The following CARF variants were observed in gnomAD, a reference collection of about 807,000 sequenced individuals.
CARF encodes the protein calcium-responsive transcription factor.
A neutral mutation model predicts 82.0 loss-of-function variants in CARF; 57 were observed. The ratio of observed to expected loss-of-function variants is 0.70; its 90% CI spans 0.56 to 0.87. The LOEUF (loss-of-function observed/expected upper bound fraction) is 0.87, where lower values mean the gene tolerates loss of function less well. Ranked by LOEUF, CARF falls within the 40% of genes least tolerant of loss-of-function variation. The probability of loss-of-function intolerance (pLI) is 0.00; values close to 1 mark genes in which losing one functional copy is unlikely to be tolerated. For missense variants in CARF, 771 were observed against 855.8 expected (o/e 0.90, Z 1.24); for synonymous variants, 268 against 290.1 (o/e 0.92, Z 0.77).
At chr2:202,930,779 G>T (rs949296693) in intron 3 of CARF, among the ~76,000 whole-genome samples, 1 of 151,974 alleles carries the variant, frequency 6.6e-6, no homozygotes, top group African/African-American at 2.4e-5. Context: ...AAACTGCACA[G>T]GTCCTGTACT....
rs199511382 is a variant in CARF, at chr2:202,981,648, T to C, written c.1652T>C (p.Leu551Pro). The C allele has an allele frequency of 1.5e-5, 24 of 1,611,872 alleles. No individual in the cohort carries two copies. Among genetic ancestry groups the C allele is most frequent in the Non-Finnish European group, 1.9e-5 (22 of 1,178,808 alleles). ...SPEPTHLLSS[L>P]SSFQPKIFTQ... Reference sequence around the variant, plus strand: ...GAGCCAACCCACTTGCTCTCCTCACTCTCCTCATTTCAGCCCAAAATATTT... The same window carrying C: ...GAGCCAACCCACTTGCTCTCCTCACCCTCCTCATTTCAGCCCAAAATATTT... Residue 551 changes from leucine to proline, a missense_variant, in exon 15 of 17, where the codon CTC (leucine) becomes CCC (proline). Transcript: ENST00000438828.
intron 9 of CARF, chr2:202,961,673 GAA>G: frequency 2.1e-6 from 1 of 480,250 alleles, no homozygotes; most frequent in East Asian, 3.3e-5. Context: ...ATAAAATATC[GAA>G]GTTTCCATTA....
chr2:202,943,729 C>T (rs1307969349), intron 5 of CARF, among the ~76,000 whole-genome samples: 2 of 151,518 alleles, frequency 1.3e-5, no homozygotes, highest in South Asian at 2.1e-4. Context: ...CTCACTGCAA[C>T]CTCCGCCTCC....
At position 202,912,976 on chromosome 2, in the gene CARF, T is replaced by C. The variant is rs1468582458; in HGVS notation, c.-456T>C. 2 of 152,160 alleles carry C rather than the reference T, an allele frequency of 1.3e-5. No individual in the cohort carries two copies. Among genetic ancestry groups the C allele is most frequent in the Non-Finnish European group, 2.9e-5 (2 of 68,032 alleles). The allele number at this position is 152,160 out of a possible 1,614,324, so 9.4% of individuals were successfully genotyped here. The stretch of plus-strand genomic sequence containing the variant: ...CCCAAGAATTACTCTAATATAGTTG[T>C]TTTTCTGAGGGAGGATGGATGGAGA... On this transcript the variant is annotated 5_prime_UTR_variant, in exon 1 of 17. Coordinates refer to ENST00000438828, the MANE Select transcript of CARF (RefSeq NM_024744.17).
intron 8 of CARF, among the ~76,000 whole-genome samples, chr2:202,956,129 G>T (rs2059027577): frequency 6.8e-6 from 1 of 146,436 alleles, no homozygotes. Flanking sequence ...CTCACTTTCT[G>T]ACTTTGTCTT....
intron 5 of CARF, among the ~76,000 whole-genome samples, chr2:202,949,673 C>G (rs1211816111): frequency 6.6e-6 from 1 of 151,596 alleles, no homozygotes; most frequent in East Asian, 1.9e-4. Context: ...GCCTCAGCCT[C>G]CCGAGTAGCT....
In CARF at chr2:202,932,318, G is replaced by T. The variant is rs534250273; in HGVS notation, c.-44+7903G>T. Reference sequence around the variant, plus strand: ...AACCTGTTATGGCACCTGAGTTTTGGGGTACAGGTTAGCACTCTGTGGCAG... The same window carrying T: ...AACCTGTTATGGCACCTGAGTTTTGTGGTACAGGTTAGCACTCTGTGGCAG... On this transcript the variant is annotated intron_variant, in intron 3 of 16. Coordinates refer to ENST00000438828, the MANE Select transcript of CARF (RefSeq NM_024744.17). 2.6e-4 allele frequency among the ~76,000 whole-genome samples: 40 copies of T among 152,248 alleles called. No homozygotes were observed. In the South Asian group the frequency reaches 5.8e-3, roughly 22 times the overall value.
intron 13 of CARF, among the ~76,000 whole-genome samples, chr2:202,976,618 A>G (rs535717841): frequency 1.3e-5 from 2 of 152,306 alleles, no homozygotes; most frequent in African/African-American, 4.8e-5. Context: ...GAGATGTAGT[A>G]TATTTTGCTT....
chr2:202,921,184 G>T (rs931612293), intron 2 of CARF, among the ~76,000 whole-genome samples: 5 of 152,052 alleles, frequency 3.3e-5, no homozygotes, highest in Non-Finnish European at 5.9e-5. Flanking sequence ...TGTATTTTTG[G>T]TAGAGACGGG....
At chr2:202,980,661 T>C (rs192835516) in intron 14 of CARF, among the ~76,000 whole-genome samples, 288 of 125,386 alleles carry the variant, frequency 2.3e-3, no homozygotes, top group African/African-American at 8.4e-3. Context: ...TATATATATA[T>C]AGTTGTGCCT....
rs1337112403 is a variant in CARF, at chr2:202,986,905, T to TACATATATATATATATAC, written c.*3282_*3283insCATATATATATATATACA. 6 of 127,792 alleles carry TACATATATATATATATAC rather than the reference T, an allele frequency of 4.7e-5. No individual in the cohort carries two copies. The highest frequency in any genetic ancestry group is 2.4e-4 in the South Asian group (1 of 4,102). 7.9% of individuals were successfully genotyped at this position (127,792 alleles called of 1,614,324 possible). ...ATATATATATATATATATATATATA[T>TACATATATATATATATAC]ATAGCAACTTGATGTATAGTGTCCT... is the stretch of plus-strand genomic sequence containing the variant. On this transcript the variant is annotated 3_prime_UTR_variant, in exon 17 of 17. Coordinates refer to ENST00000438828, the MANE Select transcript of CARF (RefSeq NM_024744.17).
intron 8 of CARF, 119 bp from the exon 9 acceptor site, chr2:202,961,118 A>T (rs2059303215): frequency 8.9e-6 from 7 of 785,810 alleles, no homozygotes; most frequent in Non-Finnish European, 1.2e-5. Context: ...ATCTGAGGGC[A>T]CAAATGACAT....
At chr2:202,980,331 T>C (rs770733244) in intron 14 of CARF, among the ~76,000 whole-genome samples, 1 of 152,090 alleles carries the variant, frequency 6.6e-6, no homozygotes, top group Non-Finnish European at 1.5e-5. Flanking sequence ...TGAGAATGAT[T>C]CAAATTCCCT....
At chr2:202,981,720 C>A in intron 15 of CARF, 35 bp downstream of exon 15, 1 of 1,581,050 alleles carries the variant, frequency 6.3e-7, no homozygotes, top group Non-Finnish European at 8.6e-7. Flanking sequence ...ATTTGAGGTC[C>A]TTCTCTTTAT....
chr2:202,925,462 G>A, intron 3 of CARF: 1 of 275,808 alleles, frequency 3.6e-6, no homozygotes, highest in Non-Finnish European at 7.3e-6. Context: ...CTGCAGCTGA[G>A]CTGAAACTGA....
chr2:202,969,170 G>A (rs1325266312), intron 10 of CARF, among the ~76,000 whole-genome samples: 8 of 152,198 alleles, frequency 5.3e-5, no homozygotes, highest in Admixed American at 5.2e-4. Context: ...ACACATGCCT[G>A]TAATCCCAGC....
At chr2:202,913,365 T>G (rs951009967) in intron 1 of CARF, among the ~76,000 whole-genome samples, 1 of 152,234 alleles carries the variant, frequency 6.6e-6, no homozygotes, top group Non-Finnish European at 1.5e-5. Context: ...CCTCTGCTAC[T>G]TGATTAACCT....
chr2:202,926,726 A>G (rs1046367720), intron 3 of CARF, among the ~76,000 whole-genome samples: 2 of 152,232 alleles, frequency 1.3e-5, no homozygotes, highest in Admixed American at 6.5e-5. Context: ...TAGACACAGT[A>G]TATGTCATCA....
In CARF at chr2:202,953,764, C is replaced by A. The variant is rs553928005; in HGVS notation, c.428-241C>A. ...CAGAACTCTTAATATACAATTATTT[C>A]TACCACTTTTATATCCTGGCTGTTC... On this transcript the variant is annotated intron_variant, in intron 6 of 16. Coordinates refer to ENST00000438828, the MANE Select transcript of CARF (RefSeq NM_024744.17). Among the ~76,000 whole-genome samples the A allele has an allele frequency of 2.0e-5, 3 of 152,054 alleles. No individual in the cohort carries two copies. In the South Asian group the frequency reaches 6.2e-4, roughly 32 times the overall value.
Sources: allele counts gnomAD v4.1 joint callset (sites outside exome capture counted in the v4.1 genomes callset), GRCh38; gene constraint gnomAD v4.1.1; transcripts MANE v1.5; gene names NCBI Gene and HGNC (gene_info 2026-07-23, HGNC 2026-07-21).